The following GRAMD1A variants were observed in gnomAD, a reference collection of about 807,000 sequenced individuals.
GRAMD1A encodes the protein protein Aster-A.
Under a neutral mutation model 92.0 loss-of-function variants are expected in GRAMD1A, and 50 were observed. The observed-to-expected ratio is 0.54, with a 90% CI of 0.43 to 0.69. The LOEUF (loss-of-function observed/expected upper bound fraction) is 0.69, where lower values mean the gene tolerates loss of function less well. GRAMD1A is among the 30% of genes least tolerant of loss of function. The pLI is 0.00. For synonymous variants in GRAMD1A, 405 were observed against 403.6 expected (o/e 1.00, Z -0.04); for missense variants, 819 against 978.9 (o/e 0.84, Z 2.18).
chr19:35,016,654 G>C (rs978479674), intron 11 of GRAMD1A, among the ~76,000 whole-genome samples: 9 of 147,052 alleles, frequency 6.1e-5, no homozygotes, highest in Non-Finnish European at 1.0e-4. Flanking sequence ...TAATCCCAGC[G>C]CTTTGGGAGG....
intron 1 of GRAMD1A, chr19:35,005,940 G>A (rs769586851): frequency 2.2e-6 from 1 of 456,264 alleles, no homozygotes; most frequent in Non-Finnish European, 4.4e-6. Context: ...AGGTAAGAGA[G>A]ACAACTTTGA....
chr19:35,000,174 G>C (rs1366018016), upstream of GRAMD1A: 1 of 1,010,258 alleles, frequency 9.9e-7, no homozygotes, highest in Non-Finnish European at 1.2e-6. The surrounding 1 kb of genome is among the most constrained non-coding windows in gnomAD (Gnocchi z 4.9). Flanking sequence ...TCTCTGTCCA[G>C]TCCCTCTCTC....
intron 13 of GRAMD1A, among the ~76,000 whole-genome samples, chr19:35,019,937 C>T (rs552693580): frequency 4.5e-4 from 69 of 152,282 alleles, no homozygotes; most frequent in African/African-American, 1.4e-3. Flanking sequence ...ACACCCGACA[C>T]GCTGGTCAGG....
At chr19:35,016,534 T>C (rs1421665210) in intron 11 of GRAMD1A, among the ~76,000 whole-genome samples, 1 of 140,742 alleles carries the variant, frequency 7.1e-6, no homozygotes, top group African/African-American at 2.7e-5. Flanking sequence ...GAGGCGGAGG[T>C]TGCAGTGAGC....
In GRAMD1A at chr19:35,000,398, G is replaced by A; in HGVS notation, c.-81G>A. On this transcript the variant is annotated 5_prime_UTR_variant, in exon 1 of 20. Transcript: ENST00000317991. This position sits in a 1 kb window ranked among gnomAD's most constrained non-coding sequence, Gnocchi z 4.9. ...GGCCGGTGCCCTGCGGGGACGCCCA[G>A]CGCAGCCCAGCCCCGCGCAGCCCAG... 8.7e-7 allele frequency: 1 copy of A among 1,153,682 alleles called. No individual in the cohort carries two copies. The allele number at this position is 1,153,682 out of a possible 1,614,324, so 71.5% of individuals were successfully genotyped here. A position where few individuals can be genotyped will look rare whatever the true frequency, so the allele number is the denominator to read the frequency against.
upstream of GRAMD1A, chr19:34,996,394 T>A: frequency 1.1e-6 from 1 of 909,256 alleles, no homozygotes; most frequent in Non-Finnish European, 1.6e-6. Flanking sequence ...AGCACAACCT[T>A]AGCCCCACAG....
chr19:35,003,088 G>GTGTT (rs1189778541), intron 1 of GRAMD1A, among the ~76,000 whole-genome samples: 1 of 149,288 alleles, frequency 6.7e-6, no homozygotes, highest in Non-Finnish European at 1.5e-5. Flanking sequence ...GTGTGTGTGT[G>GTGTT]TGTGTAATTA....
At chr19:35,025,233 C>T (rs1282777597) in intron 19 of GRAMD1A, 1 of 152,160 alleles carries the variant, frequency 6.6e-6, no homozygotes, top group African/African-American at 2.4e-5. Flanking sequence ...CTGCTTTATC[C>T]CCACAGCCAG....
intron 1 of GRAMD1A, among the ~76,000 whole-genome samples, chr19:35,006,660 T>C (rs775337225): frequency 1.3e-5 from 2 of 152,214 alleles, no homozygotes; most frequent in Admixed American, 1.3e-4. Flanking sequence ...CGGGCTCTAC[T>C]GATGCCAGCT....
intron 6 of GRAMD1A, 26 bp from the exon 7 acceptor site, chr19:35,011,448 C>G (rs958644235): frequency 1.6e-5 from 23 of 1,429,888 alleles, no homozygotes; most frequent in African/African-American, 8.5e-5. Context: ...CCTGCTCACA[C>G]CTCTCTCTCT....
At chr19:35,020,010 TGGG>T (rs2015935030) in intron 13 of GRAMD1A, among the ~76,000 whole-genome samples, 3 of 152,020 alleles carry the variant, frequency 2.0e-5, no homozygotes, top group African/African-American at 7.3e-5. Context: ...GCAACTCATT[TGGG>T]ACAGCAGGTG....
At chr19:34,996,062 T>C (rs1289746186), upstream of GRAMD1A, 2 of 1,535,764 alleles carry the variant, frequency 1.3e-6, no homozygotes, top group East Asian at 2.4e-5. Context: ...GGAGACCCTG[T>C]TGGCACAGGG....
At position 35,009,192 on chromosome 19, in the gene GRAMD1A, C is replaced by G. The variant is rs772131074; in HGVS notation, c.82C>G (p.Pro28Ala). 3 of 1,613,982 alleles carry G rather than the reference C, an allele frequency of 1.9e-6. No homozygotes were observed. Among genetic ancestry groups the G allele is most frequent in the Non-Finnish European group, 2.5e-6 (3 of 1,179,838 alleles). The change falls in exon 2 of 20, where the codon CCA (proline) becomes GCA (alanine). Residue 28 changes from proline to alanine, a missense_variant. Physicochemically the swap from Pro to Ala is conservative, Grantham distance 27. Around this residue, in one of 3 missense-constraint regions of GRAMD1A, gnomAD observed 98 missense variants for 84.0 expected, o/e 1.17. Transcript: ENST00000317991. ...CCGGAAACGGCTGCAGCTCCTGCCCCCAAGCCGGCCCCCACCTGAGCCAGA... is the reference window on the plus strand; with the variant it reads ...CCGGAAACGGCTGCAGCTCCTGCCCGCAAGCCGGCCCCCACCTGAGCCAGA... Reference protein sequence around the residue: ...SLRKRLQLLPPSRPPPEPEPG... With the variant: ...SLRKRLQLLPASRPPPEPEPG...
At chr19:35,022,762 C>T in intron 16 of GRAMD1A, 138 bp from the exon 17 acceptor site, 1 of 655,490 alleles carries the variant, frequency 1.5e-6, no homozygotes. Context: ...GCCTCTGAGC[C>T]TCAGCTCTCA....
In GRAMD1A at chr19:35,026,387, G is replaced by T; in HGVS notation, c.*246G>T. Reference sequence around the variant, plus strand: ...GCTGAGGTTGTGGGGGGCGCCTCCTGGGGTGCACGATTCCCTCAGCTCTGG... The same window carrying T: ...GCTGAGGTTGTGGGGGGCGCCTCCTTGGGTGCACGATTCCCTCAGCTCTGG... On this transcript the variant is annotated 3_prime_UTR_variant, in exon 20 of 20. Transcript: ENST00000317991. 1.8e-6 allele frequency: 1 copy of T among 568,554 alleles called. No homozygotes were observed. 35.2% of individuals were successfully genotyped at this position (568,554 alleles called of 1,614,324 possible). A position where few individuals can be genotyped will look rare whatever the true frequency, so the allele number is the denominator to read the frequency against.
chr19:35,022,839 G>C, intron 16 of GRAMD1A, 61 bp from the exon 17 acceptor site: 1 of 1,561,040 alleles, frequency 6.4e-7, no homozygotes, highest in Non-Finnish European at 8.7e-7. Context: ...AGGGCTGGGG[G>C]TGTCGGGGGC....
At position 35,022,861 on chromosome 19, in the gene GRAMD1A, C is replaced by T. The variant is rs200972580; in HGVS notation, c.1842-39C>T. The T allele has an allele frequency of 6.1e-4, 972 of 1,596,814 alleles. 6 individuals carry two copies. In the East Asian group the frequency reaches 0.018, roughly 29 times the overall value. On this transcript the variant is annotated intron_variant, in intron 16 of 19. Coordinates refer to ENST00000317991, the MANE Select transcript of GRAMD1A (RefSeq NM_020895.5). ...GGGGTGTCGGGGGCAGGCCAGGCGG[C>T]GCTCATCTCTCTGTCTCCCCTCACT...
At chr19:35,018,932 G>A (rs2015835566) in intron 11 of GRAMD1A, among the ~76,000 whole-genome samples, 1 of 151,830 alleles carries the variant, frequency 6.6e-6, no homozygotes, top group African/African-American at 2.4e-5. Flanking sequence ...AGGGGAAGGT[G>A]TTCAAAAGAT....
At chr19:35,009,595 A>G (rs1198561399) in intron 3 of GRAMD1A, 152 bp downstream of exon 3, 5 of 816,550 alleles carry the variant, frequency 6.1e-6, no homozygotes, top group African/African-American at 1.7e-5. Flanking sequence ...GTGCTGTGTG[A>G]CCTTGGGTGA....
Sources: allele counts gnomAD v4.1 joint callset (sites outside exome capture counted in the v4.1 genomes callset), GRCh38; gene constraint gnomAD v4.1.1; regional missense constraint gnomAD v4.1.1; non-coding constraint Gnocchi (gnomAD v3.1); transcripts MANE v1.5; gene names NCBI Gene and HGNC (gene_info 2026-07-23, HGNC 2026-07-21).